The following TACR1 variants were observed in gnomAD, a reference collection of about 807,000 sequenced individuals.
The protein encoded by TACR1 is substance-P receptor.
Under a neutral mutation model 35.8 loss-of-function variants are expected in TACR1, and 25 were observed. The ratio of observed to expected loss-of-function variants is 0.70; its 90% CI spans 0.51 to 0.98. The LOEUF is 0.98. Ranked by LOEUF, TACR1 falls within the 50% of genes least tolerant of loss-of-function variation. TACR1 has a pLI of 0.00. For synonymous variants in TACR1, 195 were observed against 206.7 expected (o/e 0.94, Z 0.48); for missense variants, 478 against 522.9 (o/e 0.91, Z 0.84).
chr2:75,081,302 CTT>C (rs1233690769), intron 2 of TACR1, among the ~76,000 whole-genome samples: 1 of 152,178 alleles, frequency 6.6e-6, no homozygotes, highest in Non-Finnish European at 1.5e-5. Flanking sequence ...GGTTCCTGTC[CTT>C]GGTCCTGTGA....
At position 75,053,656 on chromosome 2, in the gene TACR1, G is replaced by A. The variant is rs374323810; in HGVS notation, c.684C>T (p.Ile228=). The part of the protein sequence containing the change: ...VVGITLWASE[I]PGDSSDRYHE... ...GGTAGCGGTCAGAGGAGTCCCCGGGGATCTCACTGGCCCATAGTGTGATTC... is the reference window on the plus strand; with the variant it reads ...GGTAGCGGTCAGAGGAGTCCCCGGGAATCTCACTGGCCCATAGTGTGATTC... The change falls in exon 3 of 5, where the codon ATC becomes ATT. Residue 228 remains isoleucine (I), a synonymous_variant. Transcript: ENST00000305249. The A allele has an allele frequency of 3.1e-6, 5 of 1,604,160 alleles. No homozygotes were observed. The highest frequency in any genetic ancestry group is 1.1e-5 in the South Asian group (1 of 89,392).
At chr2:75,121,067 G>A (rs1673961961) in intron 1 of TACR1, among the ~76,000 whole-genome samples, 1 of 152,200 alleles carries the variant, frequency 6.6e-6, no homozygotes, top group African/African-American at 2.4e-5. Context: ...GGACAGCCAA[G>A]TACAGGTAAG....
At chr2:75,091,671 C>T (rs371737440) in intron 2 of TACR1, among the ~76,000 whole-genome samples, 1 of 152,168 alleles carries the variant, frequency 6.6e-6, no homozygotes. Context: ...TTTTTCATAT[C>T]ACTCTTAGCC....
chr2:75,061,528 T>C (rs1249408980), intron 2 of TACR1, among the ~76,000 whole-genome samples: 1 of 152,162 alleles, frequency 6.6e-6, no homozygotes, highest in Non-Finnish European at 1.5e-5. Context: ...AAGCCCTCTG[T>C]ACCTCTCTGA....
intron 2 of TACR1, among the ~76,000 whole-genome samples, chr2:75,116,673 G>A (rs964069171): frequency 1.1e-4 from 16 of 152,188 alleles, no homozygotes; most frequent in South Asian, 8.3e-4. Context: ...CTTTGGGAGG[G>A]CAAGGCCGGC....
intron 1 of TACR1, among the ~76,000 whole-genome samples, chr2:75,194,104 G>C (rs1675910988): frequency 6.6e-6 from 1 of 152,092 alleles, no homozygotes; most frequent in Non-Finnish European, 1.5e-5. Flanking sequence ...ATTTCTTCCA[G>C]TTTTTTAAAA....
chr2:75,068,010 G>A (rs535635360), intron 2 of TACR1, among the ~76,000 whole-genome samples: 13 of 152,314 alleles, frequency 8.5e-5, no homozygotes, highest in Non-Finnish European at 1.8e-4. Context: ...TTTCATCTGG[G>A]CAAGATATAA....
chr2:75,054,231 C>T (rs1672530268), intron 2 of TACR1, among the ~76,000 whole-genome samples: 1 of 152,210 alleles, frequency 6.6e-6, no homozygotes, highest in Admixed American at 6.5e-5. Flanking sequence ...CAACTTAGTG[C>T]AGGGTTGTAG....
At chr2:75,111,238 T>C (rs1171872890) in intron 2 of TACR1, among the ~76,000 whole-genome samples, 1 of 152,044 alleles carries the variant, frequency 6.6e-6, no homozygotes, top group Non-Finnish European at 1.5e-5. Flanking sequence ...ACCAGCAATC[T>C]TTCATTTTGG....
intron 1 of TACR1, among the ~76,000 whole-genome samples, chr2:75,161,176 C>G (rs1179909294): frequency 6.6e-6 from 1 of 151,880 alleles, no homozygotes; most frequent in African/African-American, 2.4e-5. Context: ...AAACAAAAAC[C>G]ACACTACTCA....
At chr2:75,154,608 A>G (rs1389046282) in intron 1 of TACR1, 1 of 152,484 alleles carries the variant, frequency 6.6e-6, no homozygotes, top group Non-Finnish European at 1.5e-5. Flanking sequence ...CCAATGAGCC[A>G]TGGTGATTCC....
chr2:75,113,699 G>T (rs938822658), intron 2 of TACR1, among the ~76,000 whole-genome samples: 3 of 151,942 alleles, frequency 2.0e-5, no homozygotes, highest in Admixed American at 2.0e-4. Flanking sequence ...TAGGGGCTCT[G>T]GGCTGTATTT....
At chr2:75,157,730 G>C (rs2103984327) in intron 1 of TACR1, among the ~76,000 whole-genome samples, 1 of 152,364 alleles carries the variant, frequency 6.6e-6, no homozygotes, top group South Asian at 2.1e-4. Context: ...ATCTTATTCA[G>C]GGAGATGTGG....
chr2:75,146,509 T>A (rs575264041), intron 1 of TACR1, among the ~76,000 whole-genome samples: 38 of 152,274 alleles, frequency 2.5e-4, no homozygotes, highest in African/African-American at 8.9e-4. Flanking sequence ...TCAGGCAAGA[T>A]AAGGATGAAG....
chr2:75,183,689 AAGG>A (rs757204388), intron 1 of TACR1, among the ~76,000 whole-genome samples: 8 of 152,230 alleles, frequency 5.3e-5, no homozygotes, highest in Non-Finnish European at 1.0e-4. Context: ...TCACCCCAGG[AAGG>A]AGTACACGGC....
intron 1 of TACR1, among the ~76,000 whole-genome samples, chr2:75,145,597 G>A (rs371645124): frequency 6.6e-6 from 1 of 152,030 alleles, no homozygotes; most frequent in African/African-American, 2.4e-5. Flanking sequence ...ATAATATAAT[G>A]GAAATAAGTT....
rs1284733938 is a variant in TACR1 at position 75,049,373 on chromosome 2, T to C, written c.*59A>G. On this transcript the variant is annotated 3_prime_UTR_variant, in exon 5 of 5. Transcript: ENST00000305249. ...TGGTTCCAGATGAAGGGAATTTCCATGCATGAAGGGAGGCAGGTCAAAGGC... is the reference window on the plus strand; with the variant it reads ...TGGTTCCAGATGAAGGGAATTTCCACGCATGAAGGGAGGCAGGTCAAAGGC... The C allele has an allele frequency of 1.3e-6, 2 of 1,543,430 alleles. No homozygotes were observed. Among genetic ancestry groups the C allele is most frequent in the Non-Finnish European group, 1.8e-6 (2 of 1,137,058 alleles).
chr2:75,072,006 G>A (rs946919875), intron 2 of TACR1, among the ~76,000 whole-genome samples: 27 of 152,318 alleles, frequency 1.8e-4, no homozygotes, highest in African/African-American at 3.4e-4. Flanking sequence ...TGCAGCAAGC[G>A]TAGCATAGAT....
intron 2 of TACR1, among the ~76,000 whole-genome samples, chr2:75,112,976 CTTTGT>C (rs1673779634): frequency 6.6e-6 from 1 of 151,992 alleles, no homozygotes; most frequent in African/African-American, 2.4e-5. Context: ...TTGGAGTTGT[CTTTGT>C]TAGCTTTCTA....
Sources: gnomAD v4.1 joint callset for allele counts (sites outside exome capture counted in the v4.1 genomes callset) on GRCh38, gnomAD v4.1.1 for gene constraint, MANE v1.5 for transcripts, NCBI Gene and HGNC (gene_info 2026-07-23, HGNC 2026-07-21) for gene names.